The following ARHGAP35 variants were observed in gnomAD, a reference collection of about 807,000 sequenced individuals.
The protein encoded by ARHGAP35 is Rho GTPase activating protein 35.
A neutral mutation model predicts 111.1 loss-of-function variants in ARHGAP35; 15 were observed. The observed-to-expected ratio is 0.13, with a 90% CI of 0.09 to 0.21. ARHGAP35 has a LOEUF of 0.21. Among genes scored for constraint, ARHGAP35 ranks in the 10% least tolerant of loss-of-function variants. The pLI is 1.00. For synonymous variants in ARHGAP35, 643 were observed against 710.3 expected, an observed-to-expected ratio of 0.91 and a Z score of 1.51; for missense variants, 1,262 against 1,873.0, an observed-to-expected ratio of 0.67 and a Z score of 6.02.
At chr19:46,933,456 T>G (rs1393549803) in intron 2 of ARHGAP35, among the ~76,000 whole-genome samples, 2 of 152,066 alleles carry the variant, frequency 1.3e-5, no homozygotes, top group East Asian at 3.9e-4. Context: ...CTAGTGTGCT[T>G]TTATTCACTT....
rs2056208859 is a variant in ARHGAP35, at chr19:46,922,416, TTGA to T, written c.3681+68_3681+70del. ...TGTACAGCGTCTCGGTGAGGGTTGA[TTGA>T]TGATGATTTTTCAAGGACAACCTAT... On this transcript the variant is annotated intron_variant, in intron 2 of 6. Coordinates refer to ENST00000672722, the MANE Select transcript of ARHGAP35 (RefSeq NM_004491.5). The surrounding 1 kb of genome is among the most constrained non-coding windows in gnomAD (Gnocchi z 4.0). 3 of 1,409,302 alleles carry T rather than the reference TTGA, an allele frequency of 2.1e-6. No homozygotes were observed. The highest frequency in any genetic ancestry group is 2.9e-5 in the Admixed American group (1 of 34,090). 87.3% of individuals were successfully genotyped at this position (1,409,302 alleles called of 1,614,324 possible). A position where few individuals can be genotyped will look rare whatever the true frequency, so the allele number is the denominator to read the frequency against.
intron 3 of ARHGAP35, among the ~76,000 whole-genome samples, chr19:46,972,306 G>A (rs370994721): frequency 7.2e-5 from 11 of 152,224 alleles, no homozygotes; most frequent in African/African-American, 2.4e-4. Flanking sequence ...CACCGCTCCC[G>A]GCCAGCTAAG....
At chr19:46,952,445 T>A (rs182066899) in intron 3 of ARHGAP35, among the ~76,000 whole-genome samples, 85 of 152,372 alleles carry the variant, frequency 5.6e-4, no homozygotes, top group African/African-American at 1.9e-3. Context: ...CATGAATGAT[T>A]CGCTGTTTCT....
At chr19:46,925,941 G>A (rs1179969267) in intron 2 of ARHGAP35, among the ~76,000 whole-genome samples, 6 of 152,170 alleles carry the variant, frequency 3.9e-5, no homozygotes, top group Non-Finnish European at 2.9e-5. Flanking sequence ...GGACTTGAAG[G>A]TGGAAATATG....
At chr19:46,870,534 G>A (rs1049225725) in intron 1 of ARHGAP35, among the ~76,000 whole-genome samples, 7 of 152,022 alleles carry the variant, frequency 4.6e-5, no homozygotes, top group African/African-American at 9.6e-5. Context: ...AGCCGAGGTC[G>A]TGCCACTGCA....
intron 5 of ARHGAP35, among the ~76,000 whole-genome samples, chr19:46,995,985 G>A (rs2056705324): frequency 6.6e-6 from 1 of 152,232 alleles, no homozygotes; most frequent in Non-Finnish European, 1.5e-5. Context: ...GGAGCACCTG[G>A]ACCAGGCAGC....
At chr19:46,917,690 G>A (rs1403569509) in intron 1 of ARHGAP35, among the ~76,000 whole-genome samples, 25 of 152,110 alleles carry the variant, frequency 1.6e-4, no homozygotes, top group Admixed American at 1.6e-3. Flanking sequence ...ATGAGTAGGT[G>A]GATACTTTGG....
intron 1 of ARHGAP35, among the ~76,000 whole-genome samples, chr19:46,861,558 C>T (rs939542114): frequency 2.0e-5 from 3 of 151,426 alleles, no homozygotes; most frequent in Non-Finnish European, 2.9e-5. Flanking sequence ...CCCCTTCCCC[C>T]TTCCACCCCT....
intron 1 of ARHGAP35, among the ~76,000 whole-genome samples, chr19:46,881,072 G>A (rs976768199): frequency 1.3e-4 from 20 of 151,790 alleles, no homozygotes; most frequent in Middle Eastern, 3.2e-3. Flanking sequence ...AGCCTCCCGA[G>A]TAGCTGGGAT....
At chr19:46,942,586 G>A (rs575589128) in intron 3 of ARHGAP35, among the ~76,000 whole-genome samples, 5 of 152,056 alleles carry the variant, frequency 3.3e-5, no homozygotes, top group South Asian at 2.1e-4. Flanking sequence ...GCAGTGAGCC[G>A]AGATCGCACC....
chr19:46,879,828 G>GT (rs1238145401), intron 1 of ARHGAP35, among the ~76,000 whole-genome samples: 1 of 147,574 alleles, frequency 6.8e-6, no homozygotes, highest in Non-Finnish European at 1.5e-5. Flanking sequence ...GCCAACCCCT[G>GT]TGACCCCAGC....
rs1215284544 is a variant in ARHGAP35, at chr19:46,921,826, A to C, written c.3151A>C (p.Ile1051Leu). 6.2e-7 allele frequency: 1 copy of C among 1,613,898 alleles called. No homozygotes were observed. Among genetic ancestry groups the C allele is most frequent in the Non-Finnish European group, 8.5e-7 (1 of 1,179,900 alleles). ...ACCAAAGCCTCCTGTCCATTTTGAA[A>C]TTACAAAGGGGGATCTATCTTATTT... is the stretch of plus-strand genomic sequence containing the variant. Reference protein sequence around the residue: ...VKPKPPVHFEITKGDLSYLDQ... With the variant: ...VKPKPPVHFELTKGDLSYLDQ... The change falls in exon 2 of 7, where the codon ATT becomes CTT. Residue 1051 changes from isoleucine (I) to leucine (L), a missense_variant. By Grantham distance (5) the Ile-to-Leu change is conservative. Around this residue, in one of 8 missense-constraint regions of ARHGAP35, gnomAD observed 579 missense variants for 716.9 expected, o/e 0.81. Transcript: ENST00000672722. This position sits in a 1 kb window ranked among gnomAD's most constrained non-coding sequence, Gnocchi z 4.3.
rs1275707731 is a variant in ARHGAP35, at chr19:46,955,067, G to T, written c.3826+17659G>T. 2.0e-5 allele frequency among the ~76,000 whole-genome samples: 3 copies of T among 152,202 alleles called. No homozygotes were observed. In the East Asian group the frequency reaches 5.8e-4, roughly 29 times the overall value. Reference sequence around the variant, plus strand: ...TAGTCTTAGGCATAGTTCTGGCAGGGTCTGACTTGAAAAAGTAGGTTGTGT... The same window carrying T: ...TAGTCTTAGGCATAGTTCTGGCAGGTTCTGACTTGAAAAAGTAGGTTGTGT... On this transcript the variant is annotated intron_variant, in intron 3 of 6. Transcript: ENST00000672722.
At chr19:46,930,529 C>G (rs991468355) in intron 2 of ARHGAP35, among the ~76,000 whole-genome samples, 6 of 141,452 alleles carry the variant, frequency 4.2e-5, no homozygotes, top group Non-Finnish European at 9.2e-5. Context: ...TTTTTTATTT[C>G]CTTTATTAGA....
chr19:46,871,644 G>A (rs773872237), intron 1 of ARHGAP35, among the ~76,000 whole-genome samples: 2 of 151,388 alleles, frequency 1.3e-5, no homozygotes, highest in Non-Finnish European at 2.9e-5. Context: ...TGCCCGTCCA[G>A]CAATGTTTTA....
chr19:46,895,222 G>A (rs2056047425), intron 1 of ARHGAP35, among the ~76,000 whole-genome samples: 1 of 150,054 alleles, frequency 6.7e-6, no homozygotes. Flanking sequence ...GGAGTCCAGT[G>A]GCGCGATCTC....
intron 1 of ARHGAP35, among the ~76,000 whole-genome samples, chr19:46,872,859 C>CTG (rs1459438939): frequency 7.0e-6 from 1 of 143,372 alleles, no homozygotes; most frequent in East Asian, 2.0e-4. Flanking sequence ...CCGGCCTGGG[C>CTG]GACAGAGCAA....
Position 46,989,807 on chromosome 19 carries a change from A to G in ARHGAP35, c.4036+132A>G. ...TGAAGGACAGAGGGCAAGGGAATTAACCAGATGACAGCAATGGGACTTGCA... is the reference window on the plus strand; with the variant it reads ...TGAAGGACAGAGGGCAAGGGAATTAGCCAGATGACAGCAATGGGACTTGCA... On this transcript the variant is annotated intron_variant, in intron 5 of 6. Coordinates refer to ENST00000672722, the MANE Select transcript of ARHGAP35 (RefSeq NM_004491.5). This position sits in a 1 kb window ranked among gnomAD's most constrained non-coding sequence, Gnocchi z 5.3. 7.0e-7 allele frequency: 1 copy of G among 1,434,756 alleles called. No individual in the cohort carries two copies. 88.9% of individuals were successfully genotyped at this position (1,434,756 alleles called of 1,614,324 possible).
Position 46,922,962 on chromosome 19 carries a change from TTGC to T in ARHGAP35, c.3681+614_3681+616del, listed in dbSNP as rs1479305768. Among the ~76,000 whole-genome samples, 1 of 152,144 alleles carries T rather than the reference TTGC, an allele frequency of 6.6e-6. No individual in the cohort carries two copies. Among genetic ancestry groups the T allele is most frequent in the African/African-American group, 2.4e-5 (1 of 41,418 alleles). Reference sequence around the variant, plus strand: ...GTCTATTATTTTATCTTCAAGGGAGTTGCTGCTGCTATCAGTCAGAAACTCGGA... The same window carrying T: ...GTCTATTATTTTATCTTCAAGGGAGTTGCTGCTATCAGTCAGAAACTCGGA... On this transcript the variant is annotated intron_variant, in intron 2 of 6. Transcript: ENST00000672722. The surrounding 1 kb of genome is among the most constrained non-coding windows in gnomAD (Gnocchi z 4.0).
Sources: gnomAD v4.1 joint callset for allele counts (sites outside exome capture counted in the v4.1 genomes callset) on GRCh38, gnomAD v4.1.1 for gene constraint, gnomAD v4.1.1 regional missense constraint, Gnocchi (gnomAD v3.1) non-coding constraint, MANE v1.5 for transcripts, NCBI Gene and HGNC (gene_info 2026-07-23, HGNC 2026-07-21) for gene names.